AGBL4: variants seen among roughly 807,000 people sequenced by gnomAD.
The protein encoded by AGBL4 is cytosolic carboxypeptidase 6.
AGBL4 carries 58 observed loss-of-function variants against 66.4 expected under a neutral mutation model. That is an observed-to-expected ratio of 0.87 (90% CI 0.71 to 1.09). AGBL4 has a LOEUF of 1.09. Ranked by LOEUF, AGBL4 falls within the 50% of genes least tolerant of loss-of-function variation. The pLI, the probability that AGBL4 is intolerant of heterozygous loss-of-function variation, is 0.00. For missense variants in AGBL4, 579 were observed against 631.0 expected (o/e 0.92, Z 0.88); for synonymous variants, 234 against 222.9 (o/e 1.05, Z -0.44).
At chr1:48,624,553 G>A (rs61558731) in intron 9 of AGBL4, among the ~76,000 whole-genome samples, 5,884 of 152,302 alleles carry the variant, frequency 0.039, 382 homozygotes, top group African/African-American at 0.13. Context: ...TGGGATGCCT[G>A]TAGGAATCCA....
chr1:48,588,330 C>T (rs1644856789), intron 10 of AGBL4, among the ~76,000 whole-genome samples: 1 of 152,242 alleles, frequency 6.6e-6, no homozygotes, highest in African/African-American at 2.4e-5. Context: ...AAGCATGTCA[C>T]TCTCAAGTCC....
At chr1:49,897,979 C>T (rs992210693) in intron 1 of AGBL4, among the ~76,000 whole-genome samples, 2 of 152,046 alleles carry the variant, frequency 1.3e-5, no homozygotes, top group Non-Finnish European at 2.9e-5. Flanking sequence ...GGATTAAACA[C>T]TTAAATCTAA....
intron 2 of AGBL4, among the ~76,000 whole-genome samples, chr1:49,700,984 T>C (rs1382890024): frequency 6.6e-6 from 1 of 152,152 alleles, no homozygotes; most frequent in African/African-American, 2.4e-5. Context: ...GAAAGTTTGA[T>C]ACTTTGAAAT....
intron 3 of AGBL4, among the ~76,000 whole-genome samples, chr1:49,661,368 T>C (rs1225276399): frequency 6.6e-6 from 1 of 152,048 alleles, no homozygotes; most frequent in African/African-American, 2.4e-5. Flanking sequence ...TGGGAGGCGT[T>C]TGGGTCATGG....
At chr1:49,141,809 T>C (rs1330916906) in intron 4 of AGBL4, among the ~76,000 whole-genome samples, 1 of 152,190 alleles carries the variant, frequency 6.6e-6, no homozygotes, top group African/African-American at 2.4e-5. Context: ...TGTAACACGA[T>C]GACTATGAAA....
At chr1:49,842,354 G>A (rs1239283204) in intron 2 of AGBL4, 2 of 564,006 alleles carry the variant, frequency 3.5e-6, no homozygotes, top group East Asian at 6.6e-5. Context: ...GCCATGGGCG[G>A]TGGACTCTGG....
chr1:49,052,360 C>G (rs970372907), intron 4 of AGBL4, among the ~76,000 whole-genome samples: 7 of 152,152 alleles, frequency 4.6e-5, no homozygotes, highest in Admixed American at 1.3e-4. Flanking sequence ...CATACTCTAT[C>G]TTCTCCAATC....
intron 4 of AGBL4, among the ~76,000 whole-genome samples, chr1:49,224,474 G>A (rs984522923): frequency 1.3e-5 from 2 of 151,904 alleles, no homozygotes; most frequent in African/African-American, 2.4e-5. Context: ...AAAATTAGCC[G>A]GGCATGGTGG....
At chr1:49,923,060 T>G (rs557816158) in intron 1 of AGBL4, among the ~76,000 whole-genome samples, 44 of 152,316 alleles carry the variant, frequency 2.9e-4, no homozygotes, top group African/African-American at 1.0e-3. Flanking sequence ...GCTACTCGAC[T>G]TCAAACAATC....
downstream of AGBL4, among the ~76,000 whole-genome samples, chr1:48,529,695 A>C (rs1265984046): frequency 1.3e-5 from 2 of 152,178 alleles, no homozygotes; most frequent in East Asian, 3.9e-4. Flanking sequence ...AATGAGGGAC[A>C]TAGTAGGCTT....
intron 1 of AGBL4, among the ~76,000 whole-genome samples, chr1:49,884,698 A>G (rs1647822713): frequency 6.6e-6 from 1 of 151,868 alleles, no homozygotes; most frequent in Non-Finnish European, 1.5e-5. Flanking sequence ...ATTGTGGCTT[A>G]TCTTTACAGA....
At chr1:50,023,304 A>G (rs1662581557) in intron 1 of AGBL4, among the ~76,000 whole-genome samples, 1 of 152,296 alleles carries the variant, frequency 6.6e-6, no homozygotes, top group South Asian at 2.1e-4. Flanking sequence ...TATTAAAGTA[A>G]CACACCTTCC....
At chr1:48,751,592 C>A (rs953307294) in intron 6 of AGBL4, among the ~76,000 whole-genome samples, 16 of 152,164 alleles carry the variant, frequency 1.1e-4, no homozygotes, top group Non-Finnish European at 2.1e-4. Context: ...TCCTAGAAAC[C>A]AGGCTTTGCC....
At chr1:49,921,697 G>C (rs1268739944) in intron 1 of AGBL4, among the ~76,000 whole-genome samples, 1 of 152,204 alleles carries the variant, frequency 6.6e-6, no homozygotes, top group Admixed American at 6.5e-5. Context: ...AGTCGAAGAA[G>C]CTGGAATCTG....
intron 1 of AGBL4, among the ~76,000 whole-genome samples, chr1:49,852,425 T>C (rs541056071): frequency 3.9e-5 from 6 of 152,128 alleles, no homozygotes; most frequent in Non-Finnish European, 7.4e-5. Context: ...GGAATTCACG[T>C]CCATTTGAAG....
chr1:49,575,386 A>C (rs865900578), intron 3 of AGBL4, among the ~76,000 whole-genome samples: 2 of 152,288 alleles, frequency 1.3e-5, no homozygotes, highest in South Asian at 2.1e-4. Context: ...TGGCTCCCTG[A>C]CTGGTAGGGT....
intron 6 of AGBL4, among the ~76,000 whole-genome samples, chr1:48,825,817 T>A (rs1315619925): frequency 6.6e-6 from 1 of 152,174 alleles, no homozygotes; most frequent in Admixed American, 6.5e-5. Context: ...TATGTGTCTC[T>A]CAGTGCCCTG....
intron 3 of AGBL4, among the ~76,000 whole-genome samples, chr1:49,397,668 C>T (rs1645000948): frequency 6.6e-6 from 1 of 151,964 alleles, no homozygotes; most frequent in Non-Finnish European, 1.5e-5. Flanking sequence ...GTAACATTCC[C>T]CTCATGTGTT....
At chr1:49,650,568 C>A (rs1418412697) in intron 3 of AGBL4, among the ~76,000 whole-genome samples, 1 of 152,156 alleles carries the variant, frequency 6.6e-6, no homozygotes, top group Non-Finnish European at 1.5e-5. Flanking sequence ...CTGTTGTGGG[C>A]CATTGCTCTT....
Sources: gnomAD v4.1 joint callset for allele counts (sites outside exome capture counted in the v4.1 genomes callset) on GRCh38, gnomAD v4.1.1 for gene constraint, MANE v1.5 for transcripts, NCBI Gene and HGNC (gene_info 2026-07-23, HGNC 2026-07-21) for gene names.